The following BMAL2 variants were observed in gnomAD, a reference collection of about 807,000 sequenced individuals.
BMAL2 encodes the protein basic helix-loop-helix ARNT like 2.
chr12:27,423,662 A>G, the BMAL2 span: 1 of 152,024 alleles, frequency 6.6e-6, no homozygotes, highest in South Asian at 2.1e-4. Flanking sequence ...AAGAATTACC[A>G]CTACAGTAAT....
chr12:27,389,527 A>G, the BMAL2 span, among the ~76,000 whole-genome samples: 1 of 152,190 alleles, frequency 6.6e-6, no homozygotes, highest in African/African-American at 2.4e-5. Flanking sequence ...TGGGGAAAAT[A>G]TGAGTGCTTC....
At chr12:27,407,920 C>T in the BMAL2 span, among the ~76,000 whole-genome samples, 4 of 151,980 alleles carry the variant, frequency 2.6e-5, no homozygotes, top group African/African-American at 7.2e-5. Context: ...ATATCACCAC[C>T]GACCCCACAG....
At chr12:27,380,951 A>G in the BMAL2 span, among the ~76,000 whole-genome samples, 2 of 151,066 alleles carry the variant, frequency 1.3e-5, no homozygotes, top group Middle Eastern at 3.4e-3. Flanking sequence ...ATGCCACTGC[A>G]CTCCAGCCTG....
the BMAL2 span, chr12:27,424,609 A>G: frequency 6.6e-6 from 1 of 152,218 alleles, no homozygotes; most frequent in South Asian, 2.1e-4. Flanking sequence ...AGAAATAGCC[A>G]ATATTTAGTT....
the BMAL2 span, among the ~76,000 whole-genome samples, chr12:27,387,671 A>G: frequency 1.3e-5 from 2 of 152,230 alleles, no homozygotes; most frequent in African/African-American, 4.8e-5. Flanking sequence ...TCCCTCCAAG[A>G]GACACTTTAT....
chr12:27,418,151 C>A, the BMAL2 span: 2 of 1,613,336 alleles, frequency 1.2e-6, no homozygotes, highest in South Asian at 2.2e-5. Flanking sequence ...GGCTACCAGG[C>A]AAAACCAGAG....
the BMAL2 span, among the ~76,000 whole-genome samples, chr12:27,419,228 T>G: frequency 4.6e-5 from 7 of 152,206 alleles, no homozygotes; most frequent in Admixed American, 4.6e-4. Context: ...ACATGGTATT[T>G]TAGTCTGTTT....
At chr12:27,403,392 A>G in the BMAL2 span, 1 of 1,250,960 alleles carries the variant, frequency 8.0e-7, no homozygotes, top group South Asian at 1.2e-5. Flanking sequence ...TGAAAGAAAG[A>G]TAAAGTCCTC....
the BMAL2 span, among the ~76,000 whole-genome samples, chr12:27,417,232 G>T: frequency 1.3e-5 from 2 of 152,060 alleles, no homozygotes; most frequent in African/African-American, 4.8e-5. Context: ...TAGATTGTTT[G>T]GCCTGTAACT....
chr12:27,356,771 C>T, the BMAL2 span, among the ~76,000 whole-genome samples: 1 of 151,844 alleles, frequency 6.6e-6, no homozygotes, highest in South Asian at 2.1e-4. Flanking sequence ...TTTTTTATTT[C>T]CATAGGTTTT....
At chr12:27,346,066 G>A in the BMAL2 span, among the ~76,000 whole-genome samples, 146,342 of 152,318 alleles carry the variant, frequency 0.96, 70,304 homozygotes, top group East Asian at 1. Flanking sequence ...AAATGAATGA[G>A]CTTGGGAACC....
the BMAL2 span, among the ~76,000 whole-genome samples, chr12:27,348,289 A>G: frequency 5.9e-5 from 9 of 152,174 alleles, no homozygotes; most frequent in East Asian, 3.8e-4. Context: ...TTTGTTCAAC[A>G]TGATAGCTTG....
chr12:27,349,369 A>G, the BMAL2 span, among the ~76,000 whole-genome samples: 1 of 152,370 alleles, frequency 6.6e-6, no homozygotes, highest in Non-Finnish European at 1.5e-5. Context: ...ATTTTGAATC[A>G]TGTGCTTGTC....
chr12:27,336,115 C>CCACTT, the BMAL2 span, among the ~76,000 whole-genome samples: 1 of 152,188 alleles, frequency 6.6e-6, no homozygotes, highest in African/African-American at 2.4e-5. Context: ...TTGAAGACCT[C>CCACTT]CACTTCTCTG....
chr12:27,344,711 CACA>C, the BMAL2 span, among the ~76,000 whole-genome samples: 20 of 152,180 alleles, frequency 1.3e-4, no homozygotes, highest in Non-Finnish European at 2.8e-4. Context: ...AAAATACGTT[CACA>C]ACAACACCTA....
At chr12:27,359,755 TG>T in the BMAL2 span, among the ~76,000 whole-genome samples, 12 of 152,218 alleles carry the variant, frequency 7.9e-5, no homozygotes, top group Admixed American at 7.9e-4. Flanking sequence ...AAGTCTGCTG[TG>T]GTCCTCAAAG....
the BMAL2 span, among the ~76,000 whole-genome samples, chr12:27,355,946 C>G: frequency 6.6e-6 from 1 of 152,032 alleles, no homozygotes; most frequent in Non-Finnish European, 1.5e-5. Context: ...CAGGACTTCC[C>G]TTTTAGACAT....
the BMAL2 span, among the ~76,000 whole-genome samples, chr12:27,339,163 CA>C: frequency 2.0e-5 from 3 of 152,128 alleles, no homozygotes; most frequent in Admixed American, 2.0e-4. Context: ...TCTGTATGTC[CA>C]TGTGTTCTCA....
chr12:27,337,513 T>G, the BMAL2 span, among the ~76,000 whole-genome samples: 2 of 152,296 alleles, frequency 1.3e-5, no homozygotes, highest in East Asian at 3.9e-4. Flanking sequence ...AGGCCTTTCC[T>G]CAGGCTGTTG....
Sources: allele counts gnomAD v4.1 joint callset (sites outside exome capture counted in the v4.1 genomes callset), GRCh38; gene constraint gnomAD v4.1.1; transcripts MANE v1.5; gene names NCBI Gene and HGNC (gene_info 2026-07-23, HGNC 2026-07-21).